The following ARMC9 variants were observed in gnomAD, a reference collection of about 807,000 sequenced individuals.
ARMC9 encodes lisH domain-containing protein ARMC9.
Under a neutral mutation model 107.0 loss-of-function variants are expected in ARMC9, and 94 were observed. That is an observed-to-expected ratio of 0.88 (90% CI 0.74 to 1.04). The LOEUF is 1.04. Ranked by LOEUF, ARMC9 falls within the 50% of genes least tolerant of loss-of-function variation. The pLI is 0.00. For synonymous variants in ARMC9, 380 were observed against 396.9 expected (o/e 0.96, Z 0.51); for missense variants, 942 against 1,030.1 (o/e 0.91, Z 1.17).
rs935215399 is a variant in ARMC9, at chr2:231,255,418, T to C, written c.880-1168T>C. On this transcript the variant is annotated intron_variant, in intron 9 of 24. Coordinates refer to ENST00000611582, the MANE Select transcript of ARMC9 (RefSeq NM_001352754.2). This position sits in a 1 kb window ranked among gnomAD's most constrained non-coding sequence, Gnocchi z 4.7. The stretch of plus-strand genomic sequence containing the variant: ...AATAAAGAAAAAAACCAGAATAATA[T>C]AATGATTCATATTGCTTTTGTTCTT... Among the ~76,000 whole-genome samples, 2 of 152,186 alleles carry C rather than the reference T, an allele frequency of 1.3e-5. No individual in the cohort carries two copies. Among genetic ancestry groups the C allele is most frequent in the African/African-American group, 4.8e-5 (2 of 41,450 alleles).
chr2:231,327,451 G>GGACT (rs1020652310), intron 19 of ARMC9, among the ~76,000 whole-genome samples: 17 of 152,260 alleles, frequency 1.1e-4, no homozygotes, highest in African/African-American at 4.1e-4. Context: ...CAACCATTGA[G>GGACT]GACTGGCTTT....
At chr2:231,337,139 C>T (rs1360166845) in intron 20 of ARMC9, among the ~76,000 whole-genome samples, 1 of 151,938 alleles carries the variant, frequency 6.6e-6, no homozygotes, top group Admixed American at 6.6e-5. Context: ...CATATGTCTC[C>T]ACTTTGGGGC....
In ARMC9 at chr2:231,237,175, C is replaced by CGTGTGTGTGTGTGTGT. The variant is rs58607252; in HGVS notation, c.780+1811_780+1826dup. On this transcript the variant is annotated intron_variant, in intron 8 of 24. Coordinates refer to ENST00000611582, the MANE Select transcript of ARMC9 (RefSeq NM_001352754.2). Reference sequence around the variant, plus strand: ...ATTTTAGAACATTTCTCTGCGTATGCGTGTGTGTGTGTGTGTGTGTGTGTG... The same window carrying CGTGTGTGTGTGTGTGT: ...ATTTTAGAACATTTCTCTGCGTATGCGTGTGTGTGTGTGTGTGTGTGTGTGTGTGTGTGTGTGTGTG... 7.1e-4 allele frequency among the ~76,000 whole-genome samples: 106 copies of CGTGTGTGTGTGTGTGT among 148,802 alleles called. 1 individual carries two copies. The highest frequency in any genetic ancestry group is 4.8e-3 in the East Asian group (24 of 5,014).
chr2:231,236,658 T>C lies in ARMC9; in HGVS notation c.780+1277T>C, dbSNP rs534467587. Among the ~76,000 whole-genome samples the C allele has an allele frequency of 1.4e-3, 219 of 152,152 alleles. 1 individual carries two copies. The highest frequency in any genetic ancestry group is 4.9e-3 in the African/African-American group (205 of 41,504). ...AAAAATATACAATTAAAAATAAAAT[T>C]AGCCAGGCATGGTGTCTCACACCTG... On this transcript the variant is annotated intron_variant, in intron 8 of 24. Transcript: ENST00000611582.
intron 20 of ARMC9, among the ~76,000 whole-genome samples, chr2:231,338,702 C>T (rs1183233090): frequency 6.6e-6 from 1 of 151,950 alleles, no homozygotes; most frequent in Non-Finnish European, 1.5e-5. Context: ...GCAGATAACA[C>T]AAACATTATA....
In ARMC9 at chr2:231,360,920, C is replaced by T. The variant is rs972184685; in HGVS notation, c.2261+37C>T. 22 of 1,480,250 alleles carry T rather than the reference C, an allele frequency of 1.5e-5. No individual in the cohort carries two copies. The highest frequency in any genetic ancestry group is 1.2e-4 in the East Asian group (5 of 40,512). 91.7% of individuals were successfully genotyped at this position (1,480,250 alleles called of 1,614,324 possible). On this transcript the variant is annotated intron_variant, in intron 23 of 24. Coordinates refer to ENST00000611582, the MANE Select transcript of ARMC9 (RefSeq NM_001352754.2). This position sits in a 1 kb window ranked among gnomAD's most constrained non-coding sequence, Gnocchi z 4.7. ...ATCACAAGGCCTCGAACCTGACTCTCGGAGCTCTGGGAGTGGGCGCCCCAC... is the reference window on the plus strand; with the variant it reads ...ATCACAAGGCCTCGAACCTGACTCTTGGAGCTCTGGGAGTGGGCGCCCCAC...
chr2:231,224,034 G>C (rs2034412111), intron 6 of ARMC9, among the ~76,000 whole-genome samples: 1 of 151,884 alleles, frequency 6.6e-6, no homozygotes, highest in Non-Finnish European at 1.5e-5. Context: ...CTACCCCATA[G>C]GCAGTGTGCC....
intron 11 of ARMC9, among the ~76,000 whole-genome samples, chr2:231,259,773 A>G (rs1362557198): frequency 6.6e-6 from 1 of 152,188 alleles, no homozygotes; most frequent in Non-Finnish European, 1.5e-5. Flanking sequence ...CAGGTGGATC[A>G]CCTGAGGTCA....
chr2:231,198,651 G>C lies in ARMC9; in HGVS notation c.-89G>C, dbSNP rs2030116950. ...CGGTTGCCCGGGTGACGGCTGCGGA[G>C]GTGGCGGCCGGGCTGGGATAGCGCG... On this transcript the variant is annotated 5_prime_UTR_variant, in exon 1 of 25. Transcript: ENST00000611582. The C allele has an allele frequency of 6.6e-6, 1 of 152,168 alleles. No homozygotes were observed. The highest frequency in any genetic ancestry group is 2.1e-4 in the South Asian group (1 of 4,832). The allele number at this position is 152,168 out of a possible 1,614,324, so 9.4% of individuals were successfully genotyped here. A position where few individuals can be genotyped will look rare whatever the true frequency, so the allele number is the denominator to read the frequency against.
chr2:231,243,884 G>A (rs2036524259), intron 9 of ARMC9, among the ~76,000 whole-genome samples: 1 of 152,206 alleles, frequency 6.6e-6, no homozygotes, highest in South Asian at 2.1e-4. Flanking sequence ...TGACTGGACT[G>A]ATAGGATTTA....
rs527657128 is a variant in ARMC9 at position 231,232,604 on chromosome 2, A to G, written c.623-2620A>G. ...GTAGCTGGGATTACAAGCATGCACC[A>G]CCACACCTGGCTAATTTTATATTTT... On this transcript the variant is annotated intron_variant, in intron 7 of 24. Coordinates refer to ENST00000611582, the MANE Select transcript of ARMC9 (RefSeq NM_001352754.2). Among the ~76,000 whole-genome samples, 1,151 of 151,276 alleles carry G rather than the reference A, an allele frequency of 7.6e-3. 7 individuals carry two copies. The highest frequency in any genetic ancestry group is 0.014 in the Middle Eastern group (4 of 294).
At chr2:231,286,508 C>T (rs2040602567) in intron 17 of ARMC9, among the ~76,000 whole-genome samples, 1 of 152,178 alleles carries the variant, frequency 6.6e-6, no homozygotes, top group African/African-American at 2.4e-5. Context: ...CTTTTGGACT[C>T]ATTCATTTTC....
chr2:231,257,483 C>T (rs2037938975), intron 10 of ARMC9, among the ~76,000 whole-genome samples: 1 of 152,158 alleles, frequency 6.6e-6, no homozygotes, highest in African/African-American at 2.4e-5. Flanking sequence ...TGATTCCTCA[C>T]ACACCTGAGA....
At chr2:231,346,055 C>G (rs2044800437) in intron 21 of ARMC9, among the ~76,000 whole-genome samples, 1 of 152,144 alleles carries the variant, frequency 6.6e-6, no homozygotes, top group Non-Finnish European at 1.5e-5. Context: ...TTTCAGGGCC[C>G]GTGCCATAGA....
chr2:231,317,905 A>T (rs966282274), intron 19 of ARMC9, among the ~76,000 whole-genome samples: 4 of 151,812 alleles, frequency 2.6e-5, no homozygotes, highest in African/African-American at 9.7e-5. Context: ...ATTTTTTTTA[A>T]AACTTCTGAG....
intron 12 of ARMC9, among the ~76,000 whole-genome samples, chr2:231,266,017 G>A (rs900659412): frequency 9.3e-5 from 14 of 149,838 alleles, no homozygotes; most frequent in African/African-American, 2.4e-4. Context: ...AAAAAAAGAA[G>A]AAATGAGTTG....
At chr2:231,241,095 G>T (rs780833790) in intron 9 of ARMC9, among the ~76,000 whole-genome samples, 1 of 151,854 alleles carries the variant, frequency 6.6e-6, no homozygotes, top group East Asian at 1.9e-4. Context: ...CTACTTGGGA[G>T]GCTGAGGCAG....
intron 19 of ARMC9, among the ~76,000 whole-genome samples, chr2:231,329,437 G>C (rs946577894): frequency 6.6e-6 from 1 of 152,008 alleles, no homozygotes; most frequent in Non-Finnish European, 1.5e-5. Context: ...CAGCCTCTGA[G>C]TAGCTGGGAT....
intron 17 of ARMC9, among the ~76,000 whole-genome samples, chr2:231,288,351 TGA>T (rs1042373241): frequency 2.2e-4 from 34 of 152,298 alleles, no homozygotes; most frequent in Admixed American, 4.6e-4. Flanking sequence ...GGGGGGCCTG[TGA>T]GTAATTTTTA....
Sources: allele counts gnomAD v4.1 joint callset (sites outside exome capture counted in the v4.1 genomes callset), GRCh38; gene constraint gnomAD v4.1.1; non-coding constraint Gnocchi (gnomAD v3.1); transcripts MANE v1.5; gene names NCBI Gene and HGNC (gene_info 2026-07-23, HGNC 2026-07-21).